The following FAT3 variants were observed in gnomAD, a reference collection of about 807,000 sequenced individuals.
The protein encoded by FAT3 is FAT atypical cadherin 3, also known as protocadherin Fat 3.
Under a neutral mutation model 310.2 loss-of-function variants are expected in FAT3, and 95 were observed. The ratio of observed to expected loss-of-function variants is 0.31; its 90% CI spans 0.26 to 0.36. The LOEUF is 0.36. FAT3 is among the 10% of genes least tolerant of loss of function. FAT3 has a pLI of 1.00. For synonymous variants in FAT3, 2,314 were observed against 2,192.9 expected (o/e 1.06, Z -1.54); for missense variants, 5,408 against 5,715.6 (o/e 0.95, Z 1.74).
chr11:92,468,864 G>A (rs913471964), intron 2 of FAT3, among the ~76,000 whole-genome samples: 1 of 152,138 alleles, frequency 6.6e-6, no homozygotes, highest in African/African-American at 2.4e-5. Flanking sequence ...TTTGGGTGGG[G>A]ACACAGCCAT....
At chr11:92,674,725 C>T (rs1040174350) in intron 3 of FAT3, among the ~76,000 whole-genome samples, 5 of 151,902 alleles carry the variant, frequency 3.3e-5, no homozygotes, top group South Asian at 2.1e-4. Context: ...GACGGGGTCT[C>T]GCTATGTTGC....
chr11:92,331,529 G>A (rs1565232060), intron 1 of FAT3, among the ~76,000 whole-genome samples: 1 of 152,122 alleles, frequency 6.6e-6, no homozygotes, highest in Admixed American at 6.5e-5. Context: ...TAAAGTGTCT[G>A]TCATGGGTGT....
At position 92,428,642 on chromosome 11, in the gene FAT3, T is replaced by A. The variant is rs546297; in HGVS notation, c.3292+73238T>A. Among the ~76,000 whole-genome samples, 356 of 152,152 alleles carry A rather than the reference T, an allele frequency of 2.3e-3. 2 individuals carry two copies. The highest frequency in any genetic ancestry group is 7.5e-3 in the African/African-American group (310 of 41,490). ...TTTCTACCTCAATTTCATTATTTAC[T>A]CAGTAGTCATTCAGCAGCAGATTGT... On this transcript the variant is annotated intron_variant, in intron 2 of 27. Coordinates refer to ENST00000525166, the MANE Select transcript of FAT3 (RefSeq NM_001367949.2).
At position 92,602,553 on chromosome 11, in the gene FAT3, A is replaced by G. The variant is rs1221289498; in HGVS notation, c.3607+77605A>G. On this transcript the variant is annotated intron_variant, in intron 3 of 27. Transcript: ENST00000525166. ...GCAGTTTGACTTTTGAGTCTATGCT[A>G]CTAAGTGTTCTATCTCCCTGCAGCT... Among the ~76,000 whole-genome samples the G allele has an allele frequency of 5.3e-5, 8 of 152,228 alleles. No homozygotes were observed. In the East Asian group the frequency reaches 1.5e-3, roughly 29 times the overall value.
chr11:92,727,132 T>G (rs1194701447), intron 4 of FAT3, among the ~76,000 whole-genome samples: 1 of 152,202 alleles, frequency 6.6e-6, no homozygotes, highest in African/African-American at 2.4e-5. Context: ...TTTGGTAAAT[T>G]TAGCACATTG....
chr11:92,668,879 G>A (rs1467153849), intron 3 of FAT3, among the ~76,000 whole-genome samples: 1 of 152,166 alleles, frequency 6.6e-6, no homozygotes, highest in East Asian at 1.9e-4. Context: ...AGGATCGGTT[G>A]TATCGAGCAG....
chr11:92,423,433 C>T (rs1196572726), intron 2 of FAT3, among the ~76,000 whole-genome samples: 4 of 152,112 alleles, frequency 2.6e-5, no homozygotes, highest in African/African-American at 9.7e-5. Context: ...GATCTCATTA[C>T]TTTGGAATAC....
chr11:92,801,936 A>G, intron 10 of FAT3, 27 bp downstream of exon 10: 1 of 1,588,052 alleles, frequency 6.3e-7, no homozygotes, highest in Non-Finnish European at 8.6e-7. Flanking sequence ...AGTTTTCATT[A>G]TGTGCACTGC....
intron 3 of FAT3, among the ~76,000 whole-genome samples, chr11:92,561,651 A>T (rs1296163046): frequency 1.3e-5 from 2 of 151,898 alleles, no homozygotes; most frequent in Non-Finnish European, 2.9e-5. Flanking sequence ...TTTGAGACGG[A>T]GTCTCGCTCT....
chr11:92,259,065 G>A (rs1381517896), intron 1 of FAT3, among the ~76,000 whole-genome samples: 2 of 151,986 alleles, frequency 1.3e-5, no homozygotes, highest in African/African-American at 4.8e-5. Context: ...GGCCAAGCTA[G>A]TTTTCTTTCT....
chr11:92,338,519 G>A (rs892819588), intron 1 of FAT3, among the ~76,000 whole-genome samples: 1 of 152,088 alleles, frequency 6.6e-6, no homozygotes, highest in Non-Finnish European at 1.5e-5. Context: ...ATGCTGCAGA[G>A]TAAAATGATT....
chr11:92,807,793 A>ACT (rs1254972407), intron 12 of FAT3, among the ~76,000 whole-genome samples: 2 of 152,238 alleles, frequency 1.3e-5, no homozygotes, highest in Admixed American at 1.3e-4. Context: ...TGTAAGCTAA[A>ACT]GGCAGATGCC....
At chr11:92,607,634 G>A (rs1282624275) in intron 3 of FAT3, among the ~76,000 whole-genome samples, 1 of 152,108 alleles carries the variant, frequency 6.6e-6, no homozygotes, top group Non-Finnish European at 1.5e-5. Flanking sequence ...CGTGTATTTT[G>A]TAGTAGGATA....
chr11:92,889,034 C>G (rs1354455071), intron 25 of FAT3, among the ~76,000 whole-genome samples, 155 bp from the exon 26 acceptor site: 1 of 152,166 alleles, frequency 6.6e-6, no homozygotes, highest in Non-Finnish European at 1.5e-5. Context: ...TCCACTGATA[C>G]ACTTCCTAAC....
At chr11:92,238,641 A>G (rs1864537145) in intron 1 of FAT3, among the ~76,000 whole-genome samples, 1 of 152,100 alleles carries the variant, frequency 6.6e-6, no homozygotes, top group African/African-American at 2.4e-5. Flanking sequence ...ACTGCTGTCA[A>G]TCCAAGTTTG....
At chr11:92,324,187 C>A (rs1413786565) in intron 1 of FAT3, among the ~76,000 whole-genome samples, 1 of 152,206 alleles carries the variant, frequency 6.6e-6, no homozygotes, top group African/African-American at 2.4e-5. Flanking sequence ...GCTTTCTTAT[C>A]ATTCTTGTGT....
At chr11:92,271,626 A>G (rs1438353233) in intron 1 of FAT3, among the ~76,000 whole-genome samples, 1 of 152,186 alleles carries the variant, frequency 6.6e-6, no homozygotes, top group African/African-American at 2.4e-5. Flanking sequence ...CAGTGCTTGC[A>G]ACATAGTTGT....
intron 15 of FAT3, among the ~76,000 whole-genome samples, chr11:92,835,467 A>T (rs12789219): frequency 0.31 from 47,041 of 151,868 alleles, 8,144 homozygotes; most frequent in South Asian, 0.5. Context: ...GATCTGTTGC[A>T]CAGCATGATG....
intron 1 of FAT3, among the ~76,000 whole-genome samples, chr11:92,304,755 C>T (rs1169635393): frequency 6.6e-6 from 1 of 151,974 alleles, no homozygotes; most frequent in Non-Finnish European, 1.5e-5. Flanking sequence ...TGAGACAGGG[C>T]ACAAATGAAG....
Sources: gnomAD v4.1 joint callset for allele counts (sites outside exome capture counted in the v4.1 genomes callset) on GRCh38, gnomAD v4.1.1 for gene constraint, MANE v1.5 for transcripts, NCBI Gene and HGNC (gene_info 2026-07-23, HGNC 2026-07-21) for gene names.